The following CFAP251 variants were observed in gnomAD, a reference collection of about 807,000 sequenced individuals.
CFAP251 encodes cilia and flagella associated protein 251.
Under a neutral mutation model 126.7 loss-of-function variants are expected in CFAP251, and 93 were observed. The ratio of observed to expected loss-of-function variants is 0.73; its 90% CI spans 0.62 to 0.87. The LOEUF is 0.87. Among genes scored for constraint, CFAP251 ranks in the 40% least tolerant of loss-of-function variants. The pLI, the probability that CFAP251 is intolerant of heterozygous loss-of-function variation, is 0.00. For synonymous variants in CFAP251, 503 were observed against 506.9 expected, an observed-to-expected ratio of 0.99 and a Z score of 0.10; for missense variants, 1,287 against 1,389.2, an observed-to-expected ratio of 0.93 and a Z score of 1.17.
At chr12:121,969,337 A>T in intron 17 of CFAP251, 1 of 985,340 alleles carries the variant, frequency 1.0e-6, no homozygotes, top group Middle Eastern at 5.2e-4. Flanking sequence ...AGATCTTGGG[A>T]ACTTGAGGAT....
chr12:121,939,615 A>G (rs1282989071), intron 5 of CFAP251, among the ~76,000 whole-genome samples: 1 of 150,868 alleles, frequency 6.6e-6, no homozygotes, highest in African/African-American at 2.5e-5. Context: ...AAAAAATTTC[A>G]CAGTAAAGCA....
At chr12:121,947,848 T>G (rs1881377133) in intron 7 of CFAP251, 1 of 152,242 alleles carries the variant, frequency 6.6e-6, no homozygotes, top group South Asian at 2.1e-4. Flanking sequence ...GCTTTTGTGC[T>G]GTTCTGATAT....
chr12:121,984,127 A>G (rs192451325), intron 19 of CFAP251, among the ~76,000 whole-genome samples: 3 of 152,262 alleles, frequency 2.0e-5, no homozygotes, highest in Non-Finnish European at 4.4e-5. Context: ...CGTCATTACA[A>G]CTGTCTTGGG....
chr12:121,922,462 A>G (rs1176046740), intron 2 of CFAP251, among the ~76,000 whole-genome samples: 1 of 151,946 alleles, frequency 6.6e-6, no homozygotes, highest in African/African-American at 2.4e-5. Flanking sequence ...GCAGTGAGTG[A>G]AAGATGCACA....
At chr12:121,971,906 T>C (rs1565918240) in intron 17 of CFAP251, 2 of 372,370 alleles carry the variant, frequency 5.4e-6, no homozygotes, top group African/African-American at 4.2e-5. Context: ...TGGTAGTGAA[T>C]AAGTCTCACA....
In CFAP251 at chr12:121,994,967, T is replaced by TA. The variant is rs141645865; in HGVS notation, c.3007-4739dup. ...AAGAATTATCAATAAAAAAATAAATTAAAAAAAAAATAATAATCACAAGAA... is the reference window on the plus strand; with the variant it reads ...AAGAATTATCAATAAAAAAATAAATTAAAAAAAAAAATAATAATCACAAGAA... On this transcript the variant is annotated intron_variant, in intron 19 of 21. Transcript: ENST00000288912. Among the ~76,000 whole-genome samples the TA allele has an allele frequency of 9.3e-5, 14 of 150,192 alleles. 1 individual carries two copies. The highest frequency in any genetic ancestry group is 2.1e-4 in the South Asian group (1 of 4,752).
At chr12:121,986,053 G>A (rs371708559) in intron 19 of CFAP251, among the ~76,000 whole-genome samples, 149 of 152,176 alleles carry the variant, frequency 9.8e-4, no homozygotes, top group African/African-American at 3.0e-3. Flanking sequence ...AGGCAATGGC[G>A]TGATCTCGGC....
At chr12:121,984,025 C>T (rs1230917135) in intron 19 of CFAP251, among the ~76,000 whole-genome samples, 1 of 152,192 alleles carries the variant, frequency 6.6e-6, no homozygotes, top group South Asian at 2.1e-4. Context: ...CGCCTCACTA[C>T]TGGAGTGTGT....
chr12:121,948,897 A>C (rs1428734548), intron 7 of CFAP251, 87 bp from the exon 8 acceptor site: 2 of 768,772 alleles, frequency 2.6e-6, no homozygotes, highest in African/African-American at 1.9e-5. Context: ...CATTTGTTTT[A>C]ATTAAAATTA....
intron 19 of CFAP251, among the ~76,000 whole-genome samples, chr12:121,983,775 T>G (rs755909476): frequency 2.6e-5 from 4 of 152,320 alleles, no homozygotes; most frequent in African/African-American, 4.8e-5. Context: ...TGGAGATGTT[T>G]TCTGAAGGCT....
chr12:121,956,227 A>G (rs928009747), intron 10 of CFAP251, among the ~76,000 whole-genome samples: 1 of 152,250 alleles, frequency 6.6e-6, no homozygotes, highest in African/African-American at 2.4e-5. Flanking sequence ...CTAGTGTCCC[A>G]TTGCCAGCCT....
intron 3 of CFAP251, among the ~76,000 whole-genome samples, chr12:121,929,677 T>G (rs1248133937): frequency 6.6e-6 from 1 of 150,872 alleles, no homozygotes; most frequent in Non-Finnish European, 1.5e-5. Context: ...TGGCAACCAC[T>G]GATCTTTTTT....
At chr12:121,926,044 T>G (rs1389598888) in intron 3 of CFAP251, among the ~76,000 whole-genome samples, 1 of 146,308 alleles carries the variant, frequency 6.8e-6, no homozygotes, top group African/African-American at 2.6e-5. Context: ...TTTTTTTTTT[T>G]TTAGTAGAGA....
At chr12:121,924,549 C>T (rs1252454823) in intron 3 of CFAP251, among the ~76,000 whole-genome samples, 1 of 151,444 alleles carries the variant, frequency 6.6e-6, no homozygotes, top group African/African-American at 2.4e-5. Flanking sequence ...TCTCCTGCCT[C>T]AGCCTCCCAA....
In CFAP251 at chr12:121,968,295, G is replaced by T. The variant is rs560362437; in HGVS notation, c.2771+126G>T. The T allele has an allele frequency of 1.3e-4, 122 of 921,074 alleles. 1 individual carries two copies. In the African/African-American group the frequency reaches 1.9e-3, roughly 15 times the overall value. 57.1% of individuals were successfully genotyped at this position (921,074 alleles called of 1,614,324 possible). A position where few individuals can be genotyped will look rare whatever the true frequency, so the allele number is the denominator to read the frequency against. On this transcript the variant is annotated intron_variant, in intron 17 of 21. Transcript: ENST00000288912. ...GGATGTCACAGGGCCTGGCCTTCAG[G>T]TTGCTCCCCGGTGGCATTGCTCACA...
At chr12:121,952,890 A>G (rs1441427633) in intron 9 of CFAP251, 1 of 152,238 alleles carries the variant, frequency 6.6e-6, no homozygotes, top group East Asian at 1.9e-4. Context: ...TAGTTATGTT[A>G]TATAAAGTCT....
At chr12:122,003,571 T>A (rs1883192663) in intron 21 of CFAP251, 81 bp from the exon 22 acceptor site, 1 of 1,149,128 alleles carries the variant, frequency 8.7e-7, no homozygotes, top group Non-Finnish European at 1.3e-6. Flanking sequence ...AGGCCCTGTC[T>A]CAAACCCCTC....
chr12:121,956,542 C>T (rs1191313110), intron 10 of CFAP251, among the ~76,000 whole-genome samples: 1 of 152,184 alleles, frequency 6.6e-6, no homozygotes, highest in Non-Finnish European at 1.5e-5. Context: ...GTCACCCAGG[C>T]TGGAGTGCAA....
At chr12:121,976,862 T>C (rs1882472951) in intron 19 of CFAP251, among the ~76,000 whole-genome samples, 1 of 152,216 alleles carries the variant, frequency 6.6e-6, no homozygotes, top group Non-Finnish European at 1.5e-5. Context: ...TGCCCGTGAT[T>C]GTGCCACTGC....
Sources: allele counts gnomAD v4.1 joint callset (sites outside exome capture counted in the v4.1 genomes callset), GRCh38; gene constraint gnomAD v4.1.1; transcripts MANE v1.5; gene names NCBI Gene and HGNC (gene_info 2026-07-23, HGNC 2026-07-21).